Variants in NLGN4X observed in about 807,000 individuals in gnomAD.
NLGN4X encodes the protein neuroligin-4, X-linked.
NLGN4X carries 3 observed loss-of-function variants against 40.3 expected under a neutral mutation model. The ratio of observed to expected loss-of-function variants is 0.07; its 90% confidence interval spans 0.03 to 0.19. The LOEUF (loss-of-function observed/expected upper bound fraction) is 0.19. Ranked by LOEUF, NLGN4X falls within the 10% of genes least tolerant of loss-of-function variation. The pLI is 1.00. For missense variants in NLGN4X, 382 were observed against 708.3 expected (o/e 0.54, Z 5.23); for synonymous variants, 270 against 306.8 (o/e 0.88, Z 1.25).
At chrX:6,063,044 A>G in intron 2 of NLGN4X, among the ~76,000 whole-genome samples, 1 of 110,758 alleles carries the variant, frequency 9.0e-6, no homozygotes, top group Non-Finnish European at 1.9e-5. Flanking sequence ...AGCTATTTCA[A>G]TTCTCTACTC....
intron 3 of NLGN4X, among the ~76,000 whole-genome samples, chrX:5,992,639 C>T (rs759842796): frequency 5.4e-5 from 6 of 111,370 alleles, no homozygotes; most frequent in Admixed American, 9.6e-5. Flanking sequence ...GTTTATTTGG[C>T]TCACAGTTCT....
intron 2 of NLGN4X, among the ~76,000 whole-genome samples, chrX:6,102,677 C>CATACATACATACAT (rs1224051562): frequency 1.5e-5 from 1 of 64,667 alleles, no homozygotes; most frequent in Non-Finnish European, 3.0e-5. Context: ...CATACATAGA[C>CATACATACATACAT]AGATAGATAC....
At chrX:6,165,676 T>C (rs925083474) in intron 1 of NLGN4X, among the ~76,000 whole-genome samples, 6 of 111,374 alleles carry the variant, frequency 5.4e-5, no homozygotes, top group Admixed American at 9.6e-5. Flanking sequence ...TTCCCACCTC[T>C]GGCAAAATTC....
intron 3 of NLGN4X, among the ~76,000 whole-genome samples, chrX:5,966,724 G>T (rs1424029599): frequency 9.0e-6 from 1 of 111,117 alleles, no homozygotes; most frequent in Admixed American, 9.6e-5. Context: ...CACATAAAAT[G>T]TTTACTGTAG....
At chrX:6,077,770 A>G (rs1412890103) in intron 2 of NLGN4X, among the ~76,000 whole-genome samples, 1 of 111,851 alleles carries the variant, frequency 8.9e-6, no homozygotes, top group Non-Finnish European at 1.9e-5. Context: ...CAAAAAGGGA[A>G]AACTAATATA....
At chrX:5,969,177 T>C (rs2147011371) in intron 3 of NLGN4X, among the ~76,000 whole-genome samples, 1 of 109,940 alleles carries the variant, frequency 9.1e-6, no homozygotes, top group East Asian at 2.9e-4. Flanking sequence ...ACAAATGGGA[T>C]CTAATTAAAC....
chrX:6,225,143 C>T (rs1229331190), intron 1 of NLGN4X, among the ~76,000 whole-genome samples: 1 of 104,497 alleles, frequency 9.6e-6, no homozygotes, highest in African/African-American at 3.5e-5. Context: ...AAAATACATG[C>T]TTGCAGAGTT....
At chrX:6,146,744 G>A (rs1406503444) in intron 2 of NLGN4X, among the ~76,000 whole-genome samples, 1 of 109,706 alleles carries the variant, frequency 9.1e-6, no homozygotes, top group African/African-American at 3.3e-5. Flanking sequence ...AATCATAATG[G>A]CATTTGCTGT....
In NLGN4X at chrX:5,891,933, G is replaced by A; in HGVS notation, c.*884C>T. The A allele has an allele frequency of 6.8e-6, 1 of 147,994 alleles. No individual in the cohort carries two copies. Among genetic ancestry groups the A allele is most frequent in the Non-Finnish European group, 1.3e-5 (1 of 77,073 alleles). 12.2% of individuals were successfully genotyped at this position (147,994 alleles called of 1,213,427 possible). On this transcript the variant is annotated 3_prime_UTR_variant, in exon 6 of 6. Coordinates refer to ENST00000381095, the MANE Select transcript of NLGN4X (RefSeq NM_181332.3). ...TGGGACATCACATCCTCCTACAAATGAGAATCTCATGTAAGAAAATCCCAT... is the reference window on the plus strand; with the variant it reads ...TGGGACATCACATCCTCCTACAAATAAGAATCTCATGTAAGAAAATCCCAT...
chrX:6,151,877 T>C (rs2040173219), intron 1 of NLGN4X, 106 bp from the exon 2 acceptor site: 1 of 215,119 alleles, frequency 4.6e-6, no homozygotes, highest in South Asian at 7.9e-5. Flanking sequence ...ATGAAATTCC[T>C]ATTCATTTGT....
intron 1 of NLGN4X, among the ~76,000 whole-genome samples, chrX:6,215,496 C>A (rs1054533119): frequency 1.5e-4 from 16 of 107,281 alleles, no homozygotes; most frequent in Non-Finnish European, 2.7e-4. Context: ...TTGCGGTGAG[C>A]CGAGACTGCG....
chrX:6,101,256 T>C (rs1337507426), intron 2 of NLGN4X, among the ~76,000 whole-genome samples: 4 of 111,645 alleles, frequency 3.6e-5, no homozygotes, highest in Non-Finnish European at 5.6e-5. Flanking sequence ...GACAGATAGA[T>C]AGATGGTACA....
At chrX:6,115,369 T>C (rs2039255318) in intron 2 of NLGN4X, among the ~76,000 whole-genome samples, 2 of 111,842 alleles carry the variant, frequency 1.8e-5, no homozygotes, top group South Asian at 3.7e-4. Context: ...AGGAACAGGA[T>C]AGGAAATTCA....
At chrX:6,087,726 CT>C (rs2147433389) in intron 2 of NLGN4X, among the ~76,000 whole-genome samples, 1 of 111,823 alleles carries the variant, frequency 8.9e-6, no homozygotes, top group African/African-American at 3.2e-5. Context: ...TGTGAGAGTG[CT>C]CATTTTTCCA....
At chrX:5,943,449 G>C (rs2034018894) in intron 3 of NLGN4X, among the ~76,000 whole-genome samples, 2 of 111,875 alleles carry the variant, frequency 1.8e-5, no homozygotes, top group Admixed American at 1.9e-4. Flanking sequence ...AGAATGGTGA[G>C]ATAACAAATG....
At chrX:5,955,514 T>C (rs979050851) in intron 3 of NLGN4X, among the ~76,000 whole-genome samples, 2 of 110,691 alleles carry the variant, frequency 1.8e-5, no homozygotes, top group Non-Finnish European at 1.9e-5. Context: ...AGGTTTAATA[T>C]CTCGAAAGAA....
chrX:6,079,744 T>A, intron 2 of NLGN4X, among the ~76,000 whole-genome samples: 1 of 112,270 alleles, frequency 8.9e-6, no homozygotes, highest in Non-Finnish European at 1.9e-5. Context: ...TTTATGTGCT[T>A]ATAATACCAA....
At chrX:6,154,360 T>A (rs923846090) in intron 1 of NLGN4X, among the ~76,000 whole-genome samples, 1 of 111,919 alleles carries the variant, frequency 8.9e-6, no homozygotes, top group Non-Finnish European at 1.9e-5. Context: ...GAAAATATAG[T>A]CATATTCAAA....
At chrX:6,133,233 T>A (rs1001689104) in intron 2 of NLGN4X, among the ~76,000 whole-genome samples, 1 of 111,062 alleles carries the variant, frequency 9.0e-6, no homozygotes, top group African/African-American at 3.3e-5. Context: ...ACCATCATCA[T>A]CATCATCTAG....
Sources: allele counts gnomAD v4.1 joint callset (sites outside exome capture counted in the v4.1 genomes callset), GRCh38; gene constraint gnomAD v4.1.1; transcripts MANE v1.5; gene names NCBI Gene and HGNC (gene_info 2026-07-23, HGNC 2026-07-21).